The following CDK17 variants were observed in gnomAD, a reference collection of about 807,000 sequenced individuals.
The protein encoded by CDK17 is cyclin dependent kinase 17.
CDK17 carries 24 observed loss-of-function variants against 77.6 expected under a neutral mutation model. The ratio of observed to expected loss-of-function variants is 0.31; its 90% CI spans 0.22 to 0.44. The LOEUF is 0.44. Ranked by LOEUF, CDK17 falls within the 20% of genes least tolerant of loss-of-function variation. The pLI, the probability that CDK17 is intolerant of heterozygous loss-of-function variation, is 1.00. For missense variants in CDK17, 429 were observed against 622.5 expected, an observed-to-expected ratio of 0.69 and a Z score of 3.31; for synonymous variants, 203 against 210.4, an observed-to-expected ratio of 0.96 and a Z score of 0.30.
chr12:96,385,141 G>A (rs1346559619), intron 1 of CDK17, among the ~76,000 whole-genome samples: 10 of 151,738 alleles, frequency 6.6e-5, no homozygotes, highest in South Asian at 4.2e-4. Context: ...GCAAAACCCC[G>A]TCTCTACTAA....
At chr12:96,388,655 C>T (rs2094439233) in intron 1 of CDK17, among the ~76,000 whole-genome samples, 1 of 152,158 alleles carries the variant, frequency 6.6e-6, no homozygotes, top group African/African-American at 2.4e-5. Context: ...AGAGTTATAG[C>T]AAAAACAATC....
At position 96,297,725 on chromosome 12, in the gene CDK17, C is replaced by A. The variant is rs141560239; in HGVS notation, c.716-4G>T. The A allele has an allele frequency of 2.7e-6, 4 of 1,498,500 alleles. No individual in the cohort carries two copies. Among genetic ancestry groups the A allele is most frequent in the South Asian group, 2.3e-5 (2 of 86,378 alleles). The allele number at this position is 1,498,500 out of a possible 1,614,324, so 92.8% of individuals were successfully genotyped here. On this transcript the variant is annotated splice_polypyrimidine_tract_variant and splice_region_variant and intron_variant, in intron 7 of 16. Coordinates refer to ENST00000261211, the MANE Select transcript of CDK17 (RefSeq NM_002595.5). Reference sequence around the variant, plus strand: ...TTTAAATCCTTTAATAGTGAAACTGCAAAACAGAAAAAGAAAATTGTTTAG... The same window carrying A: ...TTTAAATCCTTTAATAGTGAAACTGAAAAACAGAAAAAGAAAATTGTTTAG...
intron 3 of CDK17, among the ~76,000 whole-genome samples, chr12:96,322,823 C>A (rs182589147): frequency 6.6e-6 from 1 of 152,072 alleles, no homozygotes; most frequent in Non-Finnish European, 1.5e-5. Flanking sequence ...AATTTAATAG[C>A]TATGTTTAAC....
At chr12:96,298,243 C>T (rs1207500210) in intron 7 of CDK17, among the ~76,000 whole-genome samples, 9 of 150,722 alleles carry the variant, frequency 6.0e-5, no homozygotes, top group Non-Finnish European at 7.4e-5. Context: ...GCCAAGATCT[C>T]GCCACTGCAC....
chr12:96,327,315 C>T (rs1217950830), intron 2 of CDK17, among the ~76,000 whole-genome samples: 2 of 151,880 alleles, frequency 1.3e-5, no homozygotes, highest in African/African-American at 4.8e-5. Flanking sequence ...GAAAAACAGG[C>T]AATAGGGAAT....
chr12:96,312,049 C>T (rs1389703816), intron 4 of CDK17, among the ~76,000 whole-genome samples: 3 of 152,056 alleles, frequency 2.0e-5, no homozygotes, highest in Non-Finnish European at 4.4e-5. Context: ...ACAGGTCAGG[C>T]GCAGTGGCTC....
At position 96,307,205 on chromosome 12, in the gene CDK17, G is replaced by T. The variant is rs533786526; in HGVS notation, c.543+3847C>A. ...AGCTACTCGGGAGGCTGAAGCAGGAGAATCGCTTGAACCCGGGAGGCGAAG... is the reference window on the plus strand; with the variant it reads ...AGCTACTCGGGAGGCTGAAGCAGGATAATCGCTTGAACCCGGGAGGCGAAG... On this transcript the variant is annotated intron_variant, in intron 5 of 16. Coordinates refer to ENST00000261211, the MANE Select transcript of CDK17 (RefSeq NM_002595.5). Among the ~76,000 whole-genome samples the T allele has an allele frequency of 7.9e-5, 12 of 152,246 alleles. No homozygotes were observed. In the South Asian group the frequency reaches 2.5e-3, roughly 32 times the overall value.
intron 1 of CDK17, among the ~76,000 whole-genome samples, chr12:96,379,961 G>T (rs1386636972): frequency 4.0e-5 from 6 of 151,598 alleles, no homozygotes. Flanking sequence ...TTGAGCCAAG[G>T]AGTTTGAAAC....
intron 6 of CDK17, among the ~76,000 whole-genome samples, chr12:96,299,668 C>T (rs948215957): frequency 3.9e-5 from 6 of 152,232 alleles, no homozygotes; most frequent in African/African-American, 9.6e-5. Context: ...GGATTACAGG[C>T]GTGAGCCACC....
chr12:96,326,596 G>A (rs12812345), intron 2 of CDK17, among the ~76,000 whole-genome samples: 1 of 152,162 alleles, frequency 6.6e-6, no homozygotes, highest in Admixed American at 6.5e-5. Context: ...ACTTTAACAT[G>A]CTTCAGAATC....
intron 5 of CDK17, chr12:96,303,125 T>G (rs1180860041): frequency 2.0e-5 from 3 of 152,170 alleles, no homozygotes; most frequent in Non-Finnish European, 4.4e-5. Flanking sequence ...ATATAATGAC[T>G]AGCTTGTTGA....
intron 4 of CDK17, among the ~76,000 whole-genome samples, chr12:96,311,847 C>G (rs1281250279): frequency 4.0e-5 from 6 of 151,816 alleles, no homozygotes; most frequent in African/African-American, 1.2e-4. Context: ...CTGGTCCTCC[C>G]TATATTAATT....
intron 1 of CDK17, among the ~76,000 whole-genome samples, chr12:96,360,582 C>T (rs1592752829): frequency 6.6e-6 from 1 of 152,126 alleles, no homozygotes; most frequent in East Asian, 1.9e-4. Flanking sequence ...TATCATGACT[C>T]ACCTAGTTTA....
chr12:96,316,995 G>A (rs1286079386), intron 3 of CDK17, among the ~76,000 whole-genome samples: 1 of 146,770 alleles, frequency 6.8e-6, no homozygotes, highest in Non-Finnish European at 1.5e-5. Flanking sequence ...GGCTTCAGAC[G>A]ATCAAATTAC....
At chr12:96,364,660 C>T (rs745975869) in intron 1 of CDK17, among the ~76,000 whole-genome samples, 4 of 152,214 alleles carry the variant, frequency 2.6e-5, no homozygotes, top group Non-Finnish European at 5.9e-5. Context: ...CAACCACTCT[C>T]AGCTGAGTAC....
At chr12:96,350,780 T>C (rs893685642) in intron 1 of CDK17, among the ~76,000 whole-genome samples, 2 of 152,084 alleles carry the variant, frequency 1.3e-5, no homozygotes, top group African/African-American at 4.8e-5. Flanking sequence ...AGAAGAAATA[T>C]TCCTGATATT....
intron 4 of CDK17, 93 bp from the exon 5 acceptor site, chr12:96,311,270 G>A (rs2083135501): frequency 9.1e-7 from 1 of 1,103,138 alleles, no homozygotes; most frequent in East Asian, 2.9e-5. Flanking sequence ...TTAGTGATAA[G>A]TAATTGTAAA....
chr12:96,398,607 C>T (rs1245281734), intron 1 of CDK17, among the ~76,000 whole-genome samples: 1 of 152,162 alleles, frequency 6.6e-6, no homozygotes, highest in African/African-American at 2.4e-5. Context: ...CTCACACGAA[C>T]GCCTTTTAAA....
chr12:96,284,800 G>A (rs1244803767), intron 13 of CDK17, among the ~76,000 whole-genome samples: 1 of 152,022 alleles, frequency 6.6e-6, no homozygotes, highest in Non-Finnish European at 1.5e-5. Context: ...CCAACCTCAG[G>A]TGATCCGCCT....
Sources: gnomAD v4.1 joint callset for allele counts (sites outside exome capture counted in the v4.1 genomes callset) on GRCh38, gnomAD v4.1.1 for gene constraint, MANE v1.5 for transcripts, NCBI Gene and HGNC (gene_info 2026-07-23, HGNC 2026-07-21) for gene names.